PSD3: variants seen among roughly 807,000 people sequenced by gnomAD.
PSD3 encodes pleckstrin and Sec7 domain containing 3, also known as PH and SEC7 domain-containing protein 3.
A neutral mutation model predicts 105.5 loss-of-function variants in PSD3; 49 were observed. The observed-to-expected ratio is 0.46, with a 90% CI of 0.37 to 0.59. PSD3 has a LOEUF of 0.59. Ranked by LOEUF, PSD3 falls within the 20% of genes least tolerant of loss-of-function variation. PSD3 has a pLI of 0.00. For missense variants in PSD3, 1,561 were observed against 1,263.8 expected (o/e 1.24, Z -3.57); for synonymous variants, 557 against 457.8 (o/e 1.22, Z -2.77).
At chr8:19,064,911 A>G (rs921939626) in intron 1 of PSD3, among the ~76,000 whole-genome samples, 1 of 152,210 alleles carries the variant, frequency 6.6e-6, no homozygotes, top group African/African-American at 2.4e-5. Flanking sequence ...ATAGGAGGCC[A>G]TTGTTTTGGA....
intron 9 of PSD3, among the ~76,000 whole-genome samples, chr8:18,752,478 ATT>A (rs1805571556): frequency 3.1e-5 from 2 of 64,654 alleles, no homozygotes; most frequent in Non-Finnish European, 5.7e-5. Context: ...AAATATATAT[ATT>A]ATTATATATA....
intron 1 of PSD3, among the ~76,000 whole-genome samples, chr8:19,051,305 C>G (rs1814160): frequency 0.4 from 60,945 of 152,048 alleles, 15,042 homozygotes; most frequent in Non-Finnish European, 0.55. Context: ...CCTAAGAAGG[C>G]TTTCCTGCTT....
chr8:18,879,951 C>T (rs1818009375), intron 2 of PSD3, among the ~76,000 whole-genome samples: 1 of 152,110 alleles, frequency 6.6e-6, no homozygotes, highest in East Asian at 1.9e-4. Flanking sequence ...AAGAATAAAA[C>T]CAGAAGTGTT....
chr8:18,591,041 T>C (rs1803565889), intron 12 of PSD3, among the ~76,000 whole-genome samples: 1 of 152,096 alleles, frequency 6.6e-6, no homozygotes, highest in African/African-American at 2.4e-5. Context: ...ATCTCCCCAA[T>C]AAAAATATTG....
chr8:18,690,956 G>A (rs1221459679), intron 9 of PSD3, among the ~76,000 whole-genome samples: 5 of 151,950 alleles, frequency 3.3e-5, no homozygotes, highest in African/African-American at 9.7e-5. Context: ...TAGAATCTAA[G>A]CTAAATCAAC....
rs373907104 is a variant in PSD3 at position 18,620,436 on chromosome 8, A to C, written c.2410+12177T>G. Among the ~76,000 whole-genome samples the C allele has an allele frequency of 2.7e-5, 4 of 150,874 alleles. No homozygotes were observed. In the South Asian group the frequency reaches 8.3e-4, roughly 31 times the overall value. On this transcript the variant is annotated intron_variant, in intron 11 of 15. Transcript: ENST00000327040. ...TTTTATGGAGTTTGGAGGGCCAGGC[A>C]TGGTGGCTTACACCTGTAATCCCAG...
At chr8:18,866,778 G>T (rs1455877907) in intron 4 of PSD3, among the ~76,000 whole-genome samples, 3 of 147,978 alleles carry the variant, frequency 2.0e-5, no homozygotes, top group African/African-American at 5.0e-5. Flanking sequence ...ATTAATACTG[G>T]CTTTTTTTTT....
At chr8:19,067,016 A>G (rs895354339) in intron 1 of PSD3, among the ~76,000 whole-genome samples, 1 of 152,184 alleles carries the variant, frequency 6.6e-6, no homozygotes, top group South Asian at 2.1e-4. Context: ...ATTATTAGTT[A>G]TAATCACAGG....
intron 2 of PSD3, among the ~76,000 whole-genome samples, chr8:18,884,873 A>C (rs549008346): frequency 1.3e-5 from 2 of 152,330 alleles, no homozygotes; most frequent in Non-Finnish European, 2.9e-5. Context: ...CTGTGAGCTA[A>C]GGAGTGGCAC....
At chr8:18,669,365 T>G (rs1052568287) in intron 9 of PSD3, among the ~76,000 whole-genome samples, 24 of 152,348 alleles carry the variant, frequency 1.6e-4, no homozygotes, top group African/African-American at 5.8e-4. Flanking sequence ...GCTTATAAGG[T>G]TGAATTTGTA....
chr8:18,781,490 A>G (rs1401449763), intron 8 of PSD3, among the ~76,000 whole-genome samples: 1 of 152,148 alleles, frequency 6.6e-6, no homozygotes. Flanking sequence ...TTGGCCTCTC[A>G]TATTCCTTGA....
chr8:18,791,217 GAA>G (rs1456965469), intron 8 of PSD3, among the ~76,000 whole-genome samples: 1 of 152,056 alleles, frequency 6.6e-6, no homozygotes, highest in East Asian at 1.9e-4. Flanking sequence ...CATTTAATTA[GAA>G]AAAAACTATT....
intron 1 of PSD3, among the ~76,000 whole-genome samples, chr8:19,073,550 CAAAAAAAAAAAAAAAAAAAAAAA>C (rs869154642): frequency 1.4e-5 from 1 of 69,126 alleles, no homozygotes. Flanking sequence ...AACTGTCTCT[CAAAAAAAAAAAAAAAAAAAAAAA>C]AAAAAAAAAA....
intron 1 of PSD3, among the ~76,000 whole-genome samples, chr8:18,944,239 G>C (rs1042243044): frequency 2.6e-5 from 4 of 152,032 alleles, no homozygotes; most frequent in African/African-American, 9.7e-5. Context: ...TGATCTGCCA[G>C]GTTTCACCAC....
intron 1 of PSD3, among the ~76,000 whole-genome samples, chr8:18,948,606 C>T (rs1823008924): frequency 6.6e-6 from 1 of 152,114 alleles, no homozygotes; most frequent in Non-Finnish European, 1.5e-5. Context: ...TTTCCTGAAT[C>T]CTTATAAACT....
At chr8:18,860,083 C>T (rs1230949946) in intron 4 of PSD3, among the ~76,000 whole-genome samples, 1 of 152,010 alleles carries the variant, frequency 6.6e-6, no homozygotes, top group Admixed American at 6.5e-5. Flanking sequence ...TTCATTTGAA[C>T]ATTTAGAGGC....
At chr8:18,949,244 A>AAAAAAAAAAAAAAAAATATAT (rs1345423514) in intron 1 of PSD3, among the ~76,000 whole-genome samples, 1 of 14,404 alleles carries the variant, frequency 6.9e-5, no homozygotes, top group African/African-American at 1.5e-4. Flanking sequence ...AAAAAAAAAA[A>AAAAAAAAAAAAAAAAATATAT]ATATATATAT....
intron 8 of PSD3, among the ~76,000 whole-genome samples, chr8:18,784,469 T>A (rs1423188093): frequency 6.6e-6 from 1 of 152,174 alleles, no homozygotes. Flanking sequence ...ATACTATGTA[T>A]CTGCTGATTT....
At position 18,867,890 on chromosome 8, in the gene PSD3, C is replaced by T. The variant is rs1371982110; in HGVS notation, c.1418G>A (p.Ser473Asn). The T allele has an allele frequency of 1.2e-5, 19 of 1,614,136 alleles. No individual in the cohort carries two copies. Among genetic ancestry groups the T allele is most frequent in the Non-Finnish European group, 1.5e-5 (18 of 1,180,012 alleles). Residue 473 changes from serine (S) to asparagine (N), a missense_variant, in exon 4 of 16, where the codon AGC becomes AAC. Transcript: ENST00000327040. ...CATTGGAGTGAGGGGCATTTCAAAG[C>T]TAAAATAGCTATCAGGCTCTGAGTA... ...TLYSEPDSYF[S>N]FEMPLTPMIQ...
Sources: allele counts gnomAD v4.1 joint callset (sites outside exome capture counted in the v4.1 genomes callset), GRCh38; gene constraint gnomAD v4.1.1; transcripts MANE v1.5; gene names NCBI Gene and HGNC (gene_info 2026-07-23, HGNC 2026-07-21).